The following NUP205 variants were observed in gnomAD, a reference collection of about 807,000 sequenced individuals.
NUP205 encodes the protein nuclear pore complex protein Nup205.
Under a neutral mutation model 253.8 loss-of-function variants are expected in NUP205, and 76 were observed. That is an observed-to-expected ratio of 0.30 (90% CI 0.25 to 0.36). The LOEUF (loss-of-function observed/expected upper bound fraction) is 0.36. Ranked by LOEUF, NUP205 falls within the 10% of genes least tolerant of loss-of-function variation. NUP205 has a pLI of 1.00. For missense variants in NUP205, 2,162 were observed against 2,425.5 expected, an observed-to-expected ratio of 0.89 and a Z score of 2.28; for synonymous variants, 832 against 850.1, an observed-to-expected ratio of 0.98 and a Z score of 0.37.
intron 36 of NUP205, among the ~76,000 whole-genome samples, chr7:135,637,144 T>G (rs753098772): frequency 5.9e-5 from 9 of 152,382 alleles, no homozygotes; most frequent in South Asian, 4.1e-4. Flanking sequence ...TGCAGAACAT[T>G]GTGCTAAGCA....
At chr7:135,628,236 G>A in intron 34 of NUP205, 125 bp downstream of exon 34, 2 of 874,758 alleles carry the variant, frequency 2.3e-6, no homozygotes, top group South Asian at 2.7e-5. Context: ...GGCAGAGCAG[G>A]GTAGAGAAAA....
chr7:135,579,708 C>T (rs989610758), intron 7 of NUP205, among the ~76,000 whole-genome samples: 2 of 151,986 alleles, frequency 1.3e-5, no homozygotes, highest in Non-Finnish European at 2.9e-5. Context: ...TGCAGTGGCT[C>T]GATCCCGGCT....
chr7:135,645,525 A>T lies in NUP205; in HGVS notation c.5741A>T (p.His1914Leu). The T allele has an allele frequency of 6.2e-7, 1 of 1,614,040 alleles. No individual in the cohort carries two copies. Among genetic ancestry groups the T allele is most frequent in the Non-Finnish European group, 8.5e-7 (1 of 1,179,882 alleles). The change falls in exon 41 of 43, where the codon CAT becomes CTT. Residue 1914 changes from histidine (H) to leucine (L), a missense_variant. Coordinates refer to ENST00000285968, the MANE Select transcript of NUP205 (RefSeq NM_015135.3). ...CGCCATCTGGAGTACTACTTGTTAC[A>T]TTGCATGCCCACGGATTCTCAAGAT... ...LWRHLEYYLL[H>L]CMPTDSQDSL...
At chr7:135,635,532 GTTT>G (rs779812912) in intron 35 of NUP205, 46 bp from the exon 36 acceptor site, 2 of 1,005,402 alleles carry the variant, frequency 2.0e-6, no homozygotes, top group African/African-American at 3.3e-5. Context: ...AGTTTTTAAT[GTTT>G]TTGTTTATTA....
At chr7:135,619,342 C>CA (rs879113929) in intron 28 of NUP205, 81 bp from the exon 29 acceptor site, 51,249 of 995,288 alleles carry the variant, frequency 0.051, no homozygotes, top group Non-Finnish European at 0.056. Context: ...ACCCTGTCTT[C>CA]AAAAAAAAAA....
chr7:135,578,132 C>A, intron 6 of NUP205, 108 bp downstream of exon 6: 1 of 719,336 alleles, frequency 1.4e-6, no homozygotes, highest in Non-Finnish European at 2.3e-6. Flanking sequence ...CTGCTCTGTT[C>A]CTGTGTTTGC....
intron 38 of NUP205, 112 bp from the exon 39 acceptor site, chr7:135,643,080 C>T: frequency 1.0e-6 from 1 of 978,870 alleles, no homozygotes; most frequent in Admixed American, 2.4e-5. Flanking sequence ...GTTTTAATGA[C>T]AGGTTACATG....
intron 22 of NUP205, chr7:135,613,943 G>A (rs1794297356): frequency 3.0e-6 from 1 of 336,824 alleles, no homozygotes; most frequent in Non-Finnish European, 5.4e-6. Context: ...AATGTCACCA[G>A]CACTCCATTG....
chr7:135,559,534 C>G (rs370627581), intron 1 of NUP205, among the ~76,000 whole-genome samples: 3 of 151,916 alleles, frequency 2.0e-5, no homozygotes, highest in African/African-American at 7.2e-5. Context: ...CCACGCTGGG[C>G]TAATTTTTGT....
intron 13 of NUP205, among the ~76,000 whole-genome samples, chr7:135,595,582 T>G (rs1229952245): frequency 6.6e-6 from 1 of 152,134 alleles, no homozygotes; most frequent in Non-Finnish European, 1.5e-5. Context: ...GAGGGTTTAT[T>G]GCCAGGACCA....
intron 35 of NUP205, among the ~76,000 whole-genome samples, chr7:135,632,808 A>T (rs1420693941): frequency 6.6e-6 from 1 of 151,944 alleles, no homozygotes; most frequent in Non-Finnish European, 1.5e-5. Context: ...TCCAGGACTT[A>T]ACTAATTACT....
At chr7:135,598,241 G>A (rs775572178) in intron 15 of NUP205, 34 bp downstream of exon 15, 140 of 1,543,716 alleles carry the variant, frequency 9.1e-5, no homozygotes, top group Non-Finnish European at 1.2e-4. Flanking sequence ...TTCTCCTTAT[G>A]CATTTACTGC....
At chr7:135,627,834 A>G in intron 33 of NUP205, 139 bp from the exon 34 acceptor site, 1 of 682,320 alleles carries the variant, frequency 1.5e-6, no homozygotes, top group Non-Finnish European at 2.5e-6. Context: ...GCGGATGTAT[A>G]TATGGGATGC....
rs539882162 is a variant in NUP205, at chr7:135,634,017, C to T, written c.5060-1564C>T. Among the ~76,000 whole-genome samples, 5 of 152,298 alleles carry T rather than the reference C, an allele frequency of 3.3e-5. No individual in the cohort carries two copies. In the East Asian group the frequency reaches 7.7e-4, roughly 23 times the overall value. Reference sequence around the variant, plus strand: ...ACTTTGTATCCCCCATGCTGCCTAGCCCACTACCGTGTATGTTGTACCTCC... The same window carrying T: ...ACTTTGTATCCCCCATGCTGCCTAGTCCACTACCGTGTATGTTGTACCTCC... On this transcript the variant is annotated intron_variant, in intron 35 of 42. Coordinates refer to ENST00000285968, the MANE Select transcript of NUP205 (RefSeq NM_015135.3).
intron 37 of NUP205, among the ~76,000 whole-genome samples, chr7:135,638,288 C>T (rs1186549928): frequency 6.6e-6 from 1 of 151,900 alleles, no homozygotes; most frequent in Non-Finnish European, 1.5e-5. Flanking sequence ...GTGGCACGTG[C>T]CTGTGTGCCC....
intron 14 of NUP205, 152 bp downstream of exon 14, chr7:135,597,570 T>C (rs1196004197): frequency 1.3e-5 from 7 of 539,044 alleles, no homozygotes; most frequent in African/African-American, 7.7e-5. Context: ...GAAATAGAGA[T>C]GAAACTTTTA....
At chr7:135,612,363 A>G (rs1042682822) in intron 22 of NUP205, among the ~76,000 whole-genome samples, 5 of 152,210 alleles carry the variant, frequency 3.3e-5, no homozygotes, top group Non-Finnish European at 5.9e-5. Context: ...TACTTAATGT[A>G]GTTGATTCAT....
chr7:135,644,741 T>C (rs1263046507), intron 39 of NUP205, among the ~76,000 whole-genome samples, 154 bp from the exon 40 acceptor site: 1 of 152,210 alleles, frequency 6.6e-6, no homozygotes, highest in Non-Finnish European at 1.5e-5. Context: ...TTTTTAAAAA[T>C]TGCTAGCTTC....
At chr7:135,591,409 A>G in intron 10 of NUP205, 41 bp from the exon 11 acceptor site, 1 of 1,583,974 alleles carries the variant, frequency 6.3e-7, no homozygotes, top group Non-Finnish European at 8.7e-7. Context: ...CTTAAAGTTA[A>G]GATATACATT....
Sources: allele counts gnomAD v4.1 joint callset (sites outside exome capture counted in the v4.1 genomes callset), GRCh38; gene constraint gnomAD v4.1.1; transcripts MANE v1.5; gene names NCBI Gene and HGNC (gene_info 2026-07-23, HGNC 2026-07-21).